Variants in DIAPH3 observed in about 807,000 individuals in gnomAD.
DIAPH3 encodes diaphanous related formin 3.
DIAPH3 carries 117 observed loss-of-function variants against 144.3 expected under a neutral mutation model. The observed-to-expected ratio is 0.81, with a 90% CI of 0.70 to 0.95. DIAPH3 has a LOEUF of 0.95. Ranked by LOEUF, DIAPH3 falls within the 40% of genes least tolerant of loss-of-function variation. DIAPH3 has a pLI of 0.00. For missense variants in DIAPH3, 1,421 were observed against 1,412.7 expected, an observed-to-expected ratio of 1.01 and a Z score of -0.09; for synonymous variants, 519 against 488.9, an observed-to-expected ratio of 1.06 and a Z score of -0.81.
Position 60,055,324 on chromosome 13 carries a change from C to T in DIAPH3, c.496-12504G>A, listed in dbSNP as rs140395820. Among the ~76,000 whole-genome samples the T allele has an allele frequency of 3.6e-3, 550 of 151,942 alleles. 2 individuals are homozygous for T. The highest frequency in any genetic ancestry group is 0.012 in the African/African-American group (483 of 41,530). The stretch of plus-strand genomic sequence containing the variant: ...ATTATCCATCAATATTTAACCAGCA[C>T]GACCTCCAATCTAATGGAAAAGCTG... On this transcript the variant is annotated intron_variant, in intron 4 of 27. Coordinates refer to ENST00000400324, the MANE Select transcript of DIAPH3 (RefSeq NM_001042517.2).
At chr13:59,987,804 T>A in intron 12 of DIAPH3, among the ~76,000 whole-genome samples, 1 of 132,634 alleles carries the variant, frequency 7.5e-6, no homozygotes, top group Admixed American at 8.3e-5. Flanking sequence ...AAGAAAGATG[T>A]CTCAGAAAGG....
At chr13:59,689,581 C>CA (rs2033397891) in intron 27 of DIAPH3, among the ~76,000 whole-genome samples, 1 of 151,896 alleles carries the variant, frequency 6.6e-6, no homozygotes, top group South Asian at 2.1e-4. Context: ...TGGAAGAAAG[C>CA]AAAATTCTGA....
At chr13:60,004,968 G>C (rs574248243) in intron 9 of DIAPH3, among the ~76,000 whole-genome samples, 1 of 152,070 alleles carries the variant, frequency 6.6e-6, no homozygotes, top group African/African-American at 2.4e-5. Context: ...ACTACGGAAG[G>C]AAAACATTGC....
chr13:60,074,633 T>G (rs778962862), intron 4 of DIAPH3, among the ~76,000 whole-genome samples: 1 of 152,222 alleles, frequency 6.6e-6, no homozygotes, highest in South Asian at 2.1e-4. Context: ...AGATAATCAC[T>G]GCAAATGCTT....
chr13:59,700,435 A>G (rs1236464268), intron 27 of DIAPH3, among the ~76,000 whole-genome samples: 1 of 152,230 alleles, frequency 6.6e-6, no homozygotes, highest in Non-Finnish European at 1.5e-5. Flanking sequence ...AGTATCCCCA[A>G]GAATGTAACA....
At chr13:60,078,621 C>T (rs77674645) in intron 4 of DIAPH3, among the ~76,000 whole-genome samples, 5,597 of 151,576 alleles carry the variant, frequency 0.037, 137 homozygotes, top group East Asian at 0.075. Context: ...ATCTAACATA[C>T]CTAAAATATG....
chr13:59,898,945 T>C (rs1164625290), intron 20 of DIAPH3, among the ~76,000 whole-genome samples: 3 of 152,152 alleles, frequency 2.0e-5, no homozygotes, highest in Admixed American at 2.0e-4. Flanking sequence ...GATCAGCTGC[T>C]AGCATGGCTA....
chr13:60,047,089 C>T (rs1474420357), intron 4 of DIAPH3, among the ~76,000 whole-genome samples: 3 of 151,932 alleles, frequency 2.0e-5, no homozygotes, highest in Non-Finnish European at 2.9e-5. Context: ...CAAACTTGCA[C>T]GTTCTGCACT....
At chr13:60,132,815 C>T in intron 2 of DIAPH3, 142 bp downstream of exon 2, 1 of 634,502 alleles carries the variant, frequency 1.6e-6, no homozygotes, top group South Asian at 2.3e-5. Context: ...ACCAGTTCTG[C>T]CTCTTATTTC....
intron 18 of DIAPH3, among the ~76,000 whole-genome samples, chr13:59,920,707 A>G (rs1398074465): frequency 6.6e-6 from 1 of 151,836 alleles, no homozygotes; most frequent in Non-Finnish European, 1.5e-5. Flanking sequence ...ATCAACAAAC[A>G]TGAACTAGAA....
Position 59,980,655 on chromosome 13 carries a change from C to A in DIAPH3, c.1545+140G>T, listed in dbSNP as rs911305188. ...GTTAAGACTTTTTAGATACAGTAGTCCTCCTTGGTGGAGGGCATCTATGCA... is the reference window on the plus strand; with the variant it reads ...GTTAAGACTTTTTAGATACAGTAGTACTCCTTGGTGGAGGGCATCTATGCA... On this transcript the variant is annotated intron_variant, in intron 14 of 27. Coordinates refer to ENST00000400324, the MANE Select transcript of DIAPH3 (RefSeq NM_001042517.2). 20 of 736,146 alleles carry A rather than the reference C, an allele frequency of 2.7e-5. No individual in the cohort carries two copies. The South Asian group carries it at 3.2e-4, about 12-fold the overall frequency. The allele number at this position is 736,146 out of a possible 1,614,324, so 45.6% of individuals were successfully genotyped here. A position where few individuals can be genotyped will look rare whatever the true frequency, so the allele number is the denominator to read the frequency against.
intron 27 of DIAPH3, among the ~76,000 whole-genome samples, chr13:59,711,669 T>C (rs761233850): frequency 6.6e-6 from 1 of 152,206 alleles, no homozygotes; most frequent in Non-Finnish European, 1.5e-5. Flanking sequence ...ATATCCATTA[T>C]ATCGATGAGG....
intron 25 of DIAPH3, among the ~76,000 whole-genome samples, chr13:59,800,893 T>C (rs2039869177): frequency 6.6e-6 from 1 of 152,208 alleles, no homozygotes; most frequent in East Asian, 1.9e-4. Context: ...TTAATACATT[T>C]ATTTTTTATC....
At chr13:59,827,270 C>T (rs939459061) in intron 24 of DIAPH3, among the ~76,000 whole-genome samples, 4 of 151,906 alleles carry the variant, frequency 2.6e-5, no homozygotes, top group African/African-American at 4.8e-5. Context: ...AGAAAATTTT[C>T]GCAACCTACT....
At chr13:59,983,641 T>C (rs930778052) in intron 13 of DIAPH3, 128 bp downstream of exon 13, 2 of 653,634 alleles carry the variant, frequency 3.1e-6, no homozygotes, top group African/African-American at 1.8e-5. Context: ...TTTTGTGCTA[T>C]TATGAAAACA....
rs552264607 is a variant in DIAPH3 at position 59,929,682 on chromosome 13, C to A, written c.2075-4812G>T. ...GGTTCAAGCAATTCTCCTGCCTCGG[C>A]CTCCTGAGTAGCTGGGATTTACAGG... On this transcript the variant is annotated intron_variant, in intron 17 of 27. Transcript: ENST00000400324. Among the ~76,000 whole-genome samples, 19 of 150,746 alleles carry A rather than the reference C, an allele frequency of 1.3e-4. No homozygotes were observed. In the East Asian group the frequency reaches 3.7e-3, roughly 29 times the overall value.
chr13:60,134,241 T>C (rs959755747), intron 1 of DIAPH3, among the ~76,000 whole-genome samples: 1 of 152,226 alleles, frequency 6.6e-6, no homozygotes, highest in Admixed American at 6.5e-5. Flanking sequence ...CTTGTTGAAT[T>C]AGAATCACCT....
At chr13:60,031,322 A>G (rs555632579) in intron 5 of DIAPH3, among the ~76,000 whole-genome samples, 2 of 152,130 alleles carry the variant, frequency 1.3e-5, no homozygotes, top group Non-Finnish European at 2.9e-5. Context: ...GATCTGACCC[A>G]TGATCCAAAC....
intron 2 of DIAPH3, among the ~76,000 whole-genome samples, chr13:60,131,519 C>T (rs572915312): frequency 4.1e-5 from 6 of 147,906 alleles, no homozygotes; most frequent in Admixed American, 4.1e-4. Context: ...TTATGGTAAG[C>T]GAAATAAGTG....
Sources: allele counts gnomAD v4.1 joint callset (sites outside exome capture counted in the v4.1 genomes callset), GRCh38; gene constraint gnomAD v4.1.1; transcripts MANE v1.5; gene names NCBI Gene and HGNC (gene_info 2026-07-23, HGNC 2026-07-21).